PLCE1: variants seen among roughly 807,000 people sequenced by gnomAD.
PLCE1 encodes the protein phospholipase C epsilon 1, also known as 1-phosphatidylinositol 4,5-bisphosphate phosphodiesterase epsilon-1.
In PLCE1, 119 loss-of-function variants were observed where a neutral mutation model predicts 242.8. The observed-to-expected ratio is 0.49, with a 90% CI of 0.42 to 0.57. The LOEUF is 0.57. Ranked by LOEUF, PLCE1 falls within the 20% of genes least tolerant of loss-of-function variation. The probability of loss-of-function intolerance (pLI) is 0.00; values close to 1 mark genes in which losing one functional copy is unlikely to be tolerated. For missense variants in PLCE1, 2,441 were observed against 2,788.8 expected, an observed-to-expected ratio of 0.88 and a Z score of 2.81; for synonymous variants, 945 against 1,017.4, an observed-to-expected ratio of 0.93 and a Z score of 1.35.
chr10:94,121,999 G>T (rs2046315742), intron 2 of PLCE1, among the ~76,000 whole-genome samples: 1 of 152,196 alleles, frequency 6.6e-6, no homozygotes, highest in Non-Finnish European at 1.5e-5. Context: ...GCCAATGAAG[G>T]TTTGGGGCAC....
Position 94,132,455 on chromosome 10 carries a change from G to T in PLCE1, c.1488G>T (p.Leu496=), listed in dbSNP as rs554331540. ...TFGGSTGRMM[L]KERQPGPSVA... The stretch of plus-strand genomic sequence containing the variant: ...GAGGATCCACTGGACGAATGATGCT[G>T]AAAGGTAATGCCTGAAATTTCACTT... The change falls in exon 3 of 33, where the codon CTG becomes CTT. Residue 496 remains leucine (L), a synonymous_variant. Coordinates refer to ENST00000371380, the MANE Select transcript of PLCE1 (RefSeq NM_016341.4). The T allele has an allele frequency of 2.5e-6, 4 of 1,613,626 alleles. No individual in the cohort carries two copies. Among genetic ancestry groups the T allele is most frequent in the Admixed American group, 1.7e-5 (1 of 60,008 alleles).
At position 94,267,031 on chromosome 10, in the gene PLCE1, A is replaced by G. The variant is rs190652466; in HGVS notation, c.4281+1073A>G. ...CAGGTAATGTACTACTCCTCTACAC[A>G]CTACATACTGGCCCTCCCTTCGCAC... On this transcript the variant is annotated intron_variant, in intron 16 of 32. Transcript: ENST00000371380. Among the ~76,000 whole-genome samples, 9 of 152,296 alleles carry G rather than the reference A, an allele frequency of 5.9e-5. No individual in the cohort carries two copies. In the East Asian group the frequency reaches 1.5e-3, roughly 26 times the overall value.
chr10:94,137,505 C>T (rs1449639270), intron 3 of PLCE1, among the ~76,000 whole-genome samples: 1 of 151,996 alleles, frequency 6.6e-6, no homozygotes, highest in Non-Finnish European at 1.5e-5. Context: ...TCATATAAGG[C>T]AGCTAAGTGT....
At chr10:94,017,387 C>T (rs2061301581) in intron 1 of PLCE1, among the ~76,000 whole-genome samples, 1 of 152,072 alleles carries the variant, frequency 6.6e-6, no homozygotes, top group South Asian at 2.1e-4. Context: ...GATGAATTCT[C>T]AGTGGCAAAT....
At position 94,244,072 on chromosome 10, in the gene PLCE1, G is replaced by A. The variant is rs558230977; in HGVS notation, c.2421-1874G>A. Among the ~76,000 whole-genome samples the A allele has an allele frequency of 1.2e-4, 18 of 152,232 alleles. No homozygotes were observed. The East Asian group carries it at 1.4e-3, about 11-fold the overall frequency. On this transcript the variant is annotated intron_variant, in intron 7 of 32. Transcript: ENST00000371380. ...GGGCTCTGAAATGGATTTTCTCACC[G>A]TCAGATTTGTGAGACACTAAAATTC... is the stretch of plus-strand genomic sequence containing the variant.
In PLCE1 at chr10:94,246,355, G is replaced by A. The variant is rs2050678561; in HGVS notation, c.2830G>A (p.Val944Ile). 2 of 1,614,180 alleles carry A rather than the reference G, an allele frequency of 1.2e-6. No individual in the cohort carries two copies. Among genetic ancestry groups the A allele is most frequent in the Non-Finnish European group, 1.7e-6 (2 of 1,180,028 alleles). The change falls in exon 8 of 33, where the codon GTA becomes ATA. Residue 944 changes from valine (V) to isoleucine (I), a missense_variant. By Grantham distance (29) the Val-to-Ile change is conservative (BLOSUM62 3). Coordinates refer to ENST00000371380, the MANE Select transcript of PLCE1 (RefSeq NM_016341.4). ...GVLDLFAVKA[V>I]YMGHPGIDIH... ...CTTGGATCTTTTTGCAGTGAAGGCT[G>A]TATACATGGGCCACCCTGGCATTGA...
At chr10:94,308,481 C>A in intron 26 of PLCE1, 100 bp from the exon 27 acceptor site, 1 of 844,394 alleles carries the variant, frequency 1.2e-6, no homozygotes, top group Non-Finnish European at 2.0e-6. Context: ...CATCCCTGCC[C>A]ATTTTAAGGT....
chr10:94,165,413 G>A lies in PLCE1; in HGVS notation c.1493-5767G>A, dbSNP rs149390360. Among the ~76,000 whole-genome samples, 314 of 152,264 alleles carry A rather than the reference G, an allele frequency of 2.1e-3. 3 individuals are homozygous for A. Among genetic ancestry groups the A allele is most frequent in the African/African-American group, 6.4e-3 (267 of 41,542 alleles). On this transcript the variant is annotated intron_variant, in intron 3 of 32. Coordinates refer to ENST00000371380, the MANE Select transcript of PLCE1 (RefSeq NM_016341.4). ...TAGCAATGAGCGAGGCTCTGTGGGCGTAGGACCCTCCGAGCCAGGCGTGGG... is the reference window on the plus strand; with the variant it reads ...TAGCAATGAGCGAGGCTCTGTGGGCATAGGACCCTCCGAGCCAGGCGTGGG...
At chr10:94,160,798 G>T (rs1360169932) in intron 3 of PLCE1, among the ~76,000 whole-genome samples, 1 of 152,186 alleles carries the variant, frequency 6.6e-6, no homozygotes, top group Non-Finnish European at 1.5e-5. Context: ...GTGTAAGGAA[G>T]GCATCCAGTT....
intron 24 of PLCE1, among the ~76,000 whole-genome samples, chr10:94,299,043 C>G (rs1017884143): frequency 2.0e-5 from 3 of 152,212 alleles, no homozygotes; most frequent in Non-Finnish European, 2.9e-5. Flanking sequence ...TTCTTGCAGT[C>G]AAAAGGTAGT....
intron 3 of PLCE1, among the ~76,000 whole-genome samples, chr10:94,153,327 C>T (rs1398007236): frequency 6.6e-6 from 1 of 151,970 alleles, no homozygotes; most frequent in African/African-American, 2.4e-5. Flanking sequence ...ACCACATGGG[C>T]ATCTCAACAG....
chr10:94,317,266 CAAGG>C (rs1252239870), intron 29 of PLCE1, among the ~76,000 whole-genome samples: 1 of 151,972 alleles, frequency 6.6e-6, no homozygotes, highest in Non-Finnish European at 1.5e-5. Context: ...AAAAAAAAGA[CAAGG>C]AAATATGTTT....
rs199907181 is a variant in PLCE1, at chr10:94,316,590, A to G, written c.6176A>G (p.Tyr2059Cys). 3.7e-6 allele frequency: 6 copies of G among 1,609,642 alleles called. No homozygotes were observed. Among genetic ancestry groups the G allele is most frequent in the Non-Finnish European group, 5.1e-6 (6 of 1,176,868 alleles). ...GACATCAAACCTGTTACCACAGACTATTTTTTGATGGAAGAAAAATATTTT... is the reference window on the plus strand; with the variant it reads ...GACATCAAACCTGTTACCACAGACTGTTTTTTGATGGAAGAAAAATATTTT... ...EQDIKPVTTD[Y>C]FLMEEKYFIS... The change falls in exon 29 of 33, where the codon TAT becomes TGT. Residue 2059 changes from tyrosine to cysteine, a missense_variant. Tyr to Cys is a radical substitution (Grantham distance 194). Around this residue, in one of 5 missense-constraint regions of PLCE1, gnomAD observed 310 missense variants for 317.2 expected, o/e 0.98. Transcript: ENST00000371380.
At chr10:94,139,116 C>G (rs1455888973) in intron 3 of PLCE1, 1 of 152,456 alleles carries the variant, frequency 6.6e-6, no homozygotes, top group Non-Finnish European at 1.5e-5. Context: ...AACCACATCT[C>G]TACTAAAAAT....
At chr10:94,317,088 T>C (rs2053602145) in intron 29 of PLCE1, among the ~76,000 whole-genome samples, 1 of 152,038 alleles carries the variant, frequency 6.6e-6, no homozygotes, top group Non-Finnish European at 1.5e-5. Context: ...CCATCTCTAC[T>C]AAAAATACAA....
intron 4 of PLCE1, among the ~76,000 whole-genome samples, chr10:94,184,711 C>T (rs1220709575): frequency 6.6e-6 from 1 of 152,216 alleles, no homozygotes. Context: ...CCTGGACATG[C>T]CAAGTTAGTT....
At chr10:94,206,786 C>T (rs951301544) in intron 4 of PLCE1, among the ~76,000 whole-genome samples, 1 of 152,196 alleles carries the variant, frequency 6.6e-6, no homozygotes, top group South Asian at 2.1e-4. Context: ...TCCCCAGCCT[C>T]TCTTTATTCC....
chr10:94,165,220 C>T (rs905574797), intron 3 of PLCE1, among the ~76,000 whole-genome samples: 5 of 152,200 alleles, frequency 3.3e-5, no homozygotes, highest in Non-Finnish European at 7.3e-5. Context: ...TTTGCCCTGC[C>T]CCCAGAGGTG....
rs181788707 is a variant in PLCE1, at chr10:94,066,751, C to T, written c.1206+34499C>T. 1.8e-3 allele frequency among the ~76,000 whole-genome samples: 267 copies of T among 152,286 alleles called. 1 individual carries two copies. The highest frequency in any genetic ancestry group is 3.3e-3 in the Non-Finnish European group (226 of 68,022). ...TGACTTCTCCACTTCTAGATATAGACGGCTAAGTACTGCTGGAGAGAAATG... is the reference window on the plus strand; with the variant it reads ...TGACTTCTCCACTTCTAGATATAGATGGCTAAGTACTGCTGGAGAGAAATG... On this transcript the variant is annotated intron_variant, in intron 2 of 32. Coordinates refer to ENST00000371380, the MANE Select transcript of PLCE1 (RefSeq NM_016341.4).
Sources: gnomAD v4.1 joint callset for allele counts (sites outside exome capture counted in the v4.1 genomes callset) on GRCh38, gnomAD v4.1.1 for gene constraint, gnomAD v4.1.1 regional missense constraint, MANE v1.5 for transcripts, NCBI Gene and HGNC (gene_info 2026-07-23, HGNC 2026-07-21) for gene names.